XXYLT1: variants seen among roughly 807,000 people sequenced by gnomAD.
The protein encoded by XXYLT1 is xyloside xylosyltransferase 1.
Under a neutral mutation model 28.9 loss-of-function variants are expected in XXYLT1, and 20 were observed. That is an observed-to-expected ratio of 0.69 (90% CI 0.49 to 1.00). The LOEUF is 1.00. Among genes scored for constraint, XXYLT1 ranks in the 50% least tolerant of loss-of-function variants. The pLI, the probability that XXYLT1 is intolerant of heterozygous loss-of-function variation, is 0.00. For missense variants in XXYLT1, 542 were observed against 560.1 expected (o/e 0.97, Z 0.33); for synonymous variants, 257 against 253.8 (o/e 1.01, Z -0.12).
chr3:195,076,679 TAGGAGGG>T lies in XXYLT1; in HGVS notation c.786-6575_786-6569del, dbSNP rs1450885225. ...TGCTGGCAGCTGGCTCTGTCTGGGC[TAGGAGGG>T]AGGGTCTGTTCCAGGCGCTCCCCTC... On this transcript the variant is annotated intron_variant, in intron 3 of 3. Transcript: ENST00000310380. The surrounding 1 kb of genome is among the most constrained non-coding windows in gnomAD (Gnocchi z 5.3). 6.6e-6 allele frequency among the ~76,000 whole-genome samples: 1 copy of T among 152,144 alleles called. No homozygotes were observed. The highest frequency in any genetic ancestry group is 1.5e-5 in the Non-Finnish European group (1 of 68,006).
intron 3 of XXYLT1, among the ~76,000 whole-genome samples, chr3:195,073,103 A>G (rs935803378): frequency 2.6e-5 from 4 of 152,290 alleles, no homozygotes; most frequent in African/African-American, 4.8e-5. Context: ...AGAGGTCCTC[A>G]GTTTGTCGCA....
intron 3 of XXYLT1, among the ~76,000 whole-genome samples, chr3:195,106,189 C>A (rs1311268010): frequency 2.0e-5 from 3 of 152,164 alleles, no homozygotes; most frequent in Non-Finnish European, 4.4e-5. Flanking sequence ...TGTGGAAGCT[C>A]AATACACTGC....
chr3:195,083,185 G>C (rs556003975), intron 3 of XXYLT1, among the ~76,000 whole-genome samples: 1 of 152,174 alleles, frequency 6.6e-6, no homozygotes, highest in African/African-American at 2.4e-5. Context: ...GCATAAGATC[G>C]CATCTGAAGG....
intron 3 of XXYLT1, among the ~76,000 whole-genome samples, chr3:195,088,744 T>C (rs1291349802): frequency 4.3e-5 from 6 of 140,414 alleles, no homozygotes; most frequent in African/African-American, 7.9e-5. Context: ...CGGGAGGACA[T>C]TCAAACCAAA....
chr3:195,224,402 G>A (rs1311256169), intron 2 of XXYLT1, among the ~76,000 whole-genome samples: 1 of 152,188 alleles, frequency 6.6e-6, no homozygotes, highest in African/African-American at 2.4e-5. Flanking sequence ...CCTGAGCTAT[G>A]CCAGGCTCTT....
At chr3:195,087,928 C>CG (rs1553799614) in intron 3 of XXYLT1, among the ~76,000 whole-genome samples, 4 of 151,908 alleles carry the variant, frequency 2.6e-5, no homozygotes, top group East Asian at 1.9e-4. Context: ...GGGTGACAGA[C>CG]GCACCTGGAA....
chr3:195,182,253 T>G (rs1721990206), intron 2 of XXYLT1, among the ~76,000 whole-genome samples: 1 of 152,176 alleles, frequency 6.6e-6, no homozygotes, highest in Admixed American at 6.5e-5. Flanking sequence ...AGATCGGGAA[T>G]CAGCACATGT....
chr3:195,126,943 G>A (rs1484656657), intron 3 of XXYLT1, among the ~76,000 whole-genome samples: 1 of 152,216 alleles, frequency 6.6e-6, no homozygotes, highest in African/African-American at 2.4e-5. Flanking sequence ...TCACAGGGAA[G>A]CAGAAGGAAA....
intron 2 of XXYLT1, among the ~76,000 whole-genome samples, chr3:195,190,844 T>C (rs1722391083): frequency 6.6e-6 from 1 of 152,002 alleles, no homozygotes; most frequent in Admixed American, 6.6e-5. Context: ...TGGTGATAAA[T>C]TAAAATGCAT....
rs1195269429 is a variant in XXYLT1, at chr3:195,124,458, G to A, written c.785+31991C>T. 6.6e-6 allele frequency among the ~76,000 whole-genome samples: 1 copy of A among 152,154 alleles called. No homozygotes were observed. Among genetic ancestry groups the A allele is most frequent in the Non-Finnish European group, 1.5e-5 (1 of 68,022 alleles). ...GAGAGAGCTCTGGGGCTTTGGGCCT[G>A]GCACAGAATAACTTTGTTTTCCCCT... On this transcript the variant is annotated intron_variant, in intron 3 of 3. Transcript: ENST00000310380. This position sits in a 1 kb window ranked among gnomAD's most constrained non-coding sequence, Gnocchi z 4.1.
intron 3 of XXYLT1, among the ~76,000 whole-genome samples, chr3:195,112,691 G>GCA (rs1261195923): frequency 7.1e-6 from 1 of 140,272 alleles, no homozygotes; most frequent in East Asian, 2.1e-4. Flanking sequence ...ATGAAGCAGT[G>GCA]CACACACACA....
intron 3 of XXYLT1, chr3:195,153,822 T>G (rs538487944): frequency 6.6e-6 from 1 of 152,328 alleles, no homozygotes; most frequent in East Asian, 1.9e-4. Flanking sequence ...TGTAACTGCA[T>G]TTAATACTTA....
chr3:195,253,409 C>T (rs1339410214), intron 1 of XXYLT1, among the ~76,000 whole-genome samples: 1 of 152,028 alleles, frequency 6.6e-6, no homozygotes, highest in Non-Finnish European at 1.5e-5. Flanking sequence ...GCAAAAGACA[C>T]GTTTTCATTT....
intron 1 of XXYLT1, among the ~76,000 whole-genome samples, chr3:195,228,317 T>C (rs990643486): frequency 2.0e-5 from 3 of 151,888 alleles, no homozygotes; most frequent in Admixed American, 6.6e-5. Context: ...AGCTCTCCAA[T>C]AGGCGGGCTC....
rs938234956 is a variant in XXYLT1 at position 195,240,834 on chromosome 3, G to A, written c.505-13978C>T. Among the ~76,000 whole-genome samples, 11 of 152,234 alleles carry A rather than the reference G, an allele frequency of 7.2e-5. No individual in the cohort carries two copies. The highest frequency in any genetic ancestry group is 2.7e-4 in the African/African-American group (11 of 41,468). On this transcript the variant is annotated intron_variant, in intron 1 of 3. Transcript: ENST00000310380. This position sits in a 1 kb window ranked among gnomAD's most constrained non-coding sequence, Gnocchi z 4.7. ...ACCATAAACTGGGGGACTGAGGCAGGAGGATCGCTTGAACCTGGGAGGCGG... is the reference window on the plus strand; with the variant it reads ...ACCATAAACTGGGGGACTGAGGCAGAAGGATCGCTTGAACCTGGGAGGCGG...
At position 195,180,611 on chromosome 3, in the gene XXYLT1, T is replaced by C; in HGVS notation, c.653-24030A>G. On this transcript the variant is annotated intron_variant, in intron 2 of 3. Transcript: ENST00000310380. This position sits in a 1 kb window ranked among gnomAD's most constrained non-coding sequence, Gnocchi z 5.8. Reference sequence around the variant, plus strand: ...CTCCAGAGCGTGATGTGGCCCCGTCTGGCTAAGAGCACCAGACGGCGGTGG... The same window carrying C: ...CTCCAGAGCGTGATGTGGCCCCGTCCGGCTAAGAGCACCAGACGGCGGTGG... 1 of 961,650 alleles carries C rather than the reference T, an allele frequency of 1.0e-6. No individual in the cohort carries two copies. The highest frequency in any genetic ancestry group is 1.2e-6 in the Non-Finnish European group (1 of 808,216). 59.6% of individuals were successfully genotyped at this position (961,650 alleles called of 1,614,324 possible).
Position 195,173,067 on chromosome 3 carries a change from T to C in XXYLT1, c.653-16486A>G, listed in dbSNP as rs1396385811. ...GATCGACACCCCTACTTTCAAGACT[T>C]GGCACCTCTCCATGCCTCTACCCTG... is the stretch of plus-strand genomic sequence containing the variant. On this transcript the variant is annotated intron_variant, in intron 2 of 3. Transcript: ENST00000310380. This position sits in a 1 kb window ranked among gnomAD's most constrained non-coding sequence, Gnocchi z 4.3. 1.3e-5 allele frequency among the ~76,000 whole-genome samples: 2 copies of C among 152,162 alleles called. No homozygotes were observed. The highest frequency in any genetic ancestry group is 4.8e-5 in the African/African-American group (2 of 41,430).
rs1722578612 is a variant in XXYLT1, at chr3:195,195,263, G to C, written c.652+31446C>G. Among the ~76,000 whole-genome samples, 1 of 152,196 alleles carries C rather than the reference G, an allele frequency of 6.6e-6. No individual in the cohort carries two copies. The highest frequency in any genetic ancestry group is 6.5e-5 in the Admixed American group (1 of 15,282). On this transcript the variant is annotated intron_variant, in intron 2 of 3. Coordinates refer to ENST00000310380, the MANE Select transcript of XXYLT1 (RefSeq NM_152531.5). The surrounding 1 kb of genome is among the most constrained non-coding windows in gnomAD (Gnocchi z 4.4). Reference sequence around the variant, plus strand: ...ATTCATATAAAGCACTTAGAACAATGCCTGGGTCTCAGTAAGCCTTCTGTA... The same window carrying C: ...ATTCATATAAAGCACTTAGAACAATCCCTGGGTCTCAGTAAGCCTTCTGTA...
chr3:195,208,776 G>A lies in XXYLT1; in HGVS notation c.652+17933C>T, dbSNP rs1180299614. On this transcript the variant is annotated intron_variant, in intron 2 of 3. Transcript: ENST00000310380. The stretch of plus-strand genomic sequence containing the variant: ...AGCTGCATGAGTCCCACTTTCTCAC[G>A]GGGGAGCGAGGTGAGGGAAAAGGAA... Among the ~76,000 whole-genome samples the A allele has an allele frequency of 3.9e-5, 6 of 152,094 alleles. No homozygotes were observed. In the East Asian group the frequency reaches 5.8e-4, roughly 15 times the overall value.
Sources: gnomAD v4.1 joint callset for allele counts (sites outside exome capture counted in the v4.1 genomes callset) on GRCh38, gnomAD v4.1.1 for gene constraint, Gnocchi (gnomAD v3.1) non-coding constraint, MANE v1.5 for transcripts, NCBI Gene and HGNC (gene_info 2026-07-23, HGNC 2026-07-21) for gene names.